Variants in C3orf38 observed in about 807,000 individuals in gnomAD.
The protein encoded by C3orf38 is uncharacterized protein C3orf38.
Under a neutral mutation model 28.3 loss-of-function variants are expected in C3orf38, and 18 were observed. The observed-to-expected ratio is 0.64, with a 90% CI of 0.44 to 0.94. The LOEUF (loss-of-function observed/expected upper bound fraction) is 0.94, where lower values mean the gene tolerates loss of function less well. C3orf38 is among the 40% of genes least tolerant of loss of function. The probability of loss-of-function intolerance (pLI) is 0.00; values close to 1 mark genes in which losing one functional copy is unlikely to be tolerated. For synonymous variants in C3orf38, 145 were observed against 138.1 expected, an observed-to-expected ratio of 1.05 and a Z score of -0.35; for missense variants, 364 against 396.4, an observed-to-expected ratio of 0.92 and a Z score of 0.69.
In C3orf38 at chr3:88,153,386, A is replaced by T; in HGVS notation, c.290A>T (p.Asp97Val). 1 of 1,614,142 alleles carries T rather than the reference A, an allele frequency of 6.2e-7. No homozygotes were observed. ...CACAATCTTATTCAGCATGCAAAAG[A>T]TTACTGGCAAAAGCAACCACAACTG... is the stretch of plus-strand genomic sequence containing the variant. ...EKHNLIQHAK[D>V]YWQKQPQLKL... The change falls in exon 2 of 3, where the codon GAT becomes GTT. Residue 97 changes from aspartate to valine, a missense_variant. Asp to Val is a radical substitution (Grantham distance 152). Transcript: ENST00000318887.
intron 1 of C3orf38, among the ~76,000 whole-genome samples, chr3:88,152,597 C>T (rs1195400636): frequency 6.6e-6 from 1 of 151,404 alleles, no homozygotes; most frequent in Non-Finnish European, 1.5e-5. Context: ...CCTGTCTGTA[C>T]TAAAAAAATT....
In C3orf38 at chr3:88,153,471, G is replaced by T. The variant is rs779942119; in HGVS notation, c.375G>T (p.Gln125His). 6.2e-7 allele frequency: 1 copy of T among 1,613,672 alleles called. No individual in the cohort carries two copies. The highest frequency in any genetic ancestry group is 1.1e-5 in the South Asian group (1 of 91,070). Residue 125 changes from glutamine (Q) to histidine (H), a missense_variant and splice_region_variant, in exon 2 of 3, where the codon CAG (glutamine) becomes CAT (histidine). Transcript: ENST00000318887. ...TKTEDIHLFQ[Q>H]QVKEDKKAEK... ...CAGAGGACATCCACCTATTTCAACA[G>T]GTAAAATAAATCTTATGGTTGTATT...
intron 1 of C3orf38, among the ~76,000 whole-genome samples, chr3:88,152,781 A>G (rs920510823): frequency 5.9e-5 from 9 of 151,722 alleles, no homozygotes; most frequent in Non-Finnish European, 1.2e-4. Context: ...AAGAAATACA[A>G]TCATTGATAC....
In C3orf38 at chr3:88,156,555, G is replaced by A; in HGVS notation, c.910G>A (p.Val304Ile). 6.2e-7 allele frequency: 1 copy of A among 1,613,986 alleles called. No homozygotes were observed. The highest frequency in any genetic ancestry group is 1.3e-5 in the African/African-American group (1 of 75,008). ...EQSDLEAFYN[V>I]ITVCGTNEVR... ...AAGTGATCTAGAGGCCTTTTATAAT[G>A]TAATCACTGTATGTGGTACCAATGA... Residue 304 changes from valine to isoleucine, a missense_variant, in exon 3 of 3, where the codon GTA becomes ATA. Coordinates refer to ENST00000318887, the MANE Select transcript of C3orf38 (RefSeq NM_173824.4).
Position 88,156,872 on chromosome 3 carries a change from C to G in C3orf38, c.*237C>G, listed in dbSNP as rs1024397775. 9 of 435,864 alleles carry G rather than the reference C, an allele frequency of 2.1e-5. No individual in the cohort carries two copies. Among genetic ancestry groups the G allele is most frequent in the Admixed American group, 4.0e-5 (1 of 25,106 alleles). The allele number at this position is 435,864 out of a possible 1,614,324, so 27.0% of individuals were successfully genotyped here. Reference sequence around the variant, plus strand: ...TTACCTATTTCTACCCGAGTTGCAGCAAGTATTCTGAAAGCTTAATGCAAA... The same window carrying G: ...TTACCTATTTCTACCCGAGTTGCAGGAAGTATTCTGAAAGCTTAATGCAAA... On this transcript the variant is annotated 3_prime_UTR_variant, in exon 3 of 3. Coordinates refer to ENST00000318887, the MANE Select transcript of C3orf38 (RefSeq NM_173824.4).
intron 2 of C3orf38, among the ~76,000 whole-genome samples, chr3:88,155,027 T>G (rs866323141): frequency 3.9e-5 from 6 of 151,970 alleles, no homozygotes; most frequent in African/African-American, 1.2e-4. Flanking sequence ...ACTCAGCTAA[T>G]TTTTGTGTTT....
rs1438083650 is a variant in C3orf38 at position 88,157,783 on chromosome 3, T to A, written c.*1148T>A. On this transcript the variant is annotated 3_prime_UTR_variant, in exon 3 of 3. Transcript: ENST00000318887. ...AACTCAATTGGGAAATGTGATGACG[T>A]ATTGTACATGTTACTTTTTCCTTTG... 1 of 152,170 alleles carries A rather than the reference T, an allele frequency of 6.6e-6. No individual in the cohort carries two copies. Among genetic ancestry groups the A allele is most frequent in the Non-Finnish European group, 1.5e-5 (1 of 68,000 alleles). 9.4% of individuals were successfully genotyped at this position (152,170 alleles called of 1,614,324 possible). A position where few individuals can be genotyped will look rare whatever the true frequency, so the allele number is the denominator to read the frequency against.
rs1359184532 is a variant in C3orf38 at position 88,156,375 on chromosome 3, A to G, written c.730A>G (p.Asn244Asp). 1.9e-6 allele frequency: 3 copies of G among 1,614,216 alleles called. No individual in the cohort carries two copies. Among genetic ancestry groups the G allele is most frequent in the South Asian group, 2.2e-5 (2 of 91,088 alleles). Residue 244 changes from asparagine to aspartate, a missense_variant, in exon 3 of 3, where the codon AAC becomes GAC. By Grantham distance (23) the Asn-to-Asp change is conservative. Transcript: ENST00000318887. The stretch of plus-strand genomic sequence containing the variant: ...AGTTGCTGGGACTGTCCATCGAGGA[A>G]ACACTTGTTTGGGCATTTTTGAACA... ...VGVAGTVHRG[N>D]TCLGIFEQIF...
Position 88,150,009 on chromosome 3 carries a change from A to C in C3orf38, c.-44A>C. On this transcript the variant is annotated 5_prime_UTR_variant, in exon 1 of 3. Coordinates refer to ENST00000318887, the MANE Select transcript of C3orf38 (RefSeq NM_173824.4). ...GCCAGGCGCGGGCCCAGTGGGCCGTAGGGGCGACATTGTTGCCGTTGTCTT... is the reference window on the plus strand; with the variant it reads ...GCCAGGCGCGGGCCCAGTGGGCCGTCGGGGCGACATTGTTGCCGTTGTCTT... 1.2e-6 allele frequency: 2 copies of C among 1,608,864 alleles called. No individual in the cohort carries two copies. The highest frequency in any genetic ancestry group is 1.7e-6 in the Non-Finnish European group (2 of 1,178,178).
At chr3:88,151,603 C>G (rs1707413900) in intron 1 of C3orf38, among the ~76,000 whole-genome samples, 1 of 152,068 alleles carries the variant, frequency 6.6e-6, no homozygotes, top group Admixed American at 6.5e-5. Flanking sequence ...TACTGCTTGC[C>G]CCTTTTTGAG....
intron 2 of C3orf38, among the ~76,000 whole-genome samples, chr3:88,154,860 C>CTT (rs1207607732): frequency 5.7e-5 from 8 of 140,564 alleles, no homozygotes; most frequent in Non-Finnish European, 4.7e-5. Flanking sequence ...TTTACAGTAA[C>CTT]TTTTTTTTTT....
Position 88,153,362 on chromosome 3 carries a change from A to T in C3orf38, c.266A>T (p.His89Leu). ...GIVIPPATEKHNLIQHAKDYW... is the reference protein window; with the variant it reads ...GIVIPPATEKLNLIQHAKDYW... ...GTTATACCTCCAGCTACTGAAAAAC[A>T]CAATCTTATTCAGCATGCAAAAGAT... The change falls in exon 2 of 3, where the codon CAC becomes CTC. Residue 89 changes from histidine to leucine, a missense_variant. By Grantham distance (99) the His-to-Leu change is moderately conservative. Transcript: ENST00000318887. 6.2e-7 allele frequency: 1 copy of T among 1,614,186 alleles called. No homozygotes were observed. Among genetic ancestry groups the T allele is most frequent in the South Asian group, 1.1e-5 (1 of 91,080 alleles).
intron 2 of C3orf38, among the ~76,000 whole-genome samples, chr3:88,155,020 C>T (rs1436070909): frequency 1.3e-5 from 2 of 152,070 alleles, no homozygotes; most frequent in Non-Finnish European, 2.9e-5. Flanking sequence ...CCACTACACT[C>T]AGCTAATTTT....
rs185154012 is a variant in C3orf38, at chr3:88,151,498, T to C, written c.133+1313T>C. On this transcript the variant is annotated intron_variant, in intron 1 of 2. Coordinates refer to ENST00000318887, the MANE Select transcript of C3orf38 (RefSeq NM_173824.4). ...TCTCAAACTTGAATATGCTTTTGAA[T>C]CTCTCAGGGATCTTGTTAAAATGCA... Among the ~76,000 whole-genome samples, 18 of 152,280 alleles carry C rather than the reference T, an allele frequency of 1.2e-4. No homozygotes were observed. The East Asian group carries it at 2.7e-3, about 23-fold the overall frequency.
intron 1 of C3orf38, among the ~76,000 whole-genome samples, chr3:88,152,754 CAAAAAAA>C (rs5850832): frequency 9.9e-6 from 1 of 100,988 alleles, no homozygotes; most frequent in African/African-American, 3.8e-5. Context: ...GACTCCGTCT[CAAAAAAA>C]AAAAAAAAAA....
Position 88,150,027 on chromosome 3 carries a change from G to A in C3orf38, c.-26G>A, listed in dbSNP as rs80118494. On this transcript the variant is annotated 5_prime_UTR_variant, in exon 1 of 3. Transcript: ENST00000318887. ...GGGCCGTAGGGGCGACATTGTTGCC[G>A]TTGTCTTTCCCCCCCAGTCCCGGGG... The A allele has an allele frequency of 1.9e-6, 3 of 1,547,090 alleles. No homozygotes were observed. Among genetic ancestry groups the A allele is most frequent in the Admixed American group, 1.9e-5 (1 of 51,666 alleles).
chr3:88,153,546 G>C (rs959741686), intron 2 of C3orf38, 75 bp downstream of exon 2: 2 of 1,501,010 alleles, frequency 1.3e-6, no homozygotes, highest in Non-Finnish European at 1.8e-6. Flanking sequence ...AGATTGTGGG[G>C]AACATGGTTA....
intron 2 of C3orf38, 22 bp from the exon 3 acceptor site, chr3:88,155,995 GTATT>G (rs769249998): frequency 1.1e-4 from 171 of 1,496,008 alleles, no homozygotes; most frequent in Non-Finnish European, 1.4e-4. Context: ...GTGTTATTTT[GTATT>G]TATTTTATTT....
At position 88,149,979 on chromosome 3, in the gene C3orf38, C is replaced by T. The variant is rs1202066384; in HGVS notation, c.-74C>T. On this transcript the variant is annotated 5_prime_UTR_variant, in exon 1 of 3. Transcript: ENST00000318887. ...ACAACAAGAAAGGCACTTCCGGTGTCTGTTGCCAGGCGCGGGCCCAGTGGG... is the reference window on the plus strand; with the variant it reads ...ACAACAAGAAAGGCACTTCCGGTGTTTGTTGCCAGGCGCGGGCCCAGTGGG... The T allele has an allele frequency of 6.3e-7, 1 of 1,588,868 alleles. No individual in the cohort carries two copies.
Sources: allele counts gnomAD v4.1 joint callset (sites outside exome capture counted in the v4.1 genomes callset), GRCh38; gene constraint gnomAD v4.1.1; transcripts MANE v1.5; gene names NCBI Gene and HGNC (gene_info 2026-07-23, HGNC 2026-07-21).